Variants in ISOC2 observed in about 807,000 individuals in gnomAD.
The protein encoded by ISOC2 is isochorismatase domain-containing protein 2.
In ISOC2, 15 loss-of-function variants were observed where a neutral mutation model predicts 19.3. The ratio of observed to expected loss-of-function variants is 0.78; its 90% CI spans 0.52 to 1.20. The LOEUF (loss-of-function observed/expected upper bound fraction) is 1.20. Ranked by LOEUF, ISOC2 falls within the 50% of genes most tolerant of loss-of-function variation. The pLI is 0.00. For synonymous variants in ISOC2, 106 were observed against 115.8 expected (o/e 0.92, Z 0.54); for missense variants, 285 against 272.4 (o/e 1.05, Z -0.33).
At chr19:55,458,067 A>G (rs1599884318) in intron 1 of ISOC2, among the ~76,000 whole-genome samples, 1 of 151,656 alleles carries the variant, frequency 6.6e-6, no homozygotes, top group African/African-American at 2.4e-5. Context: ...ATTAAAAAAA[A>G]AAAAGAAAAG....
intron 5 of ISOC2, chr19:55,454,343 C>G (rs1401868208): frequency 6.5e-6 from 1 of 153,240 alleles, no homozygotes; most frequent in Non-Finnish European, 1.5e-5. Context: ...CAGGGCTCAC[C>G]ACAGTGGCTG....
At chr19:55,459,481 TCTC>T (rs1197572782) in intron 1 of ISOC2, among the ~76,000 whole-genome samples, 2 of 152,092 alleles carry the variant, frequency 1.3e-5, no homozygotes, top group African/African-American at 2.4e-5. Context: ...GCTGCAGTGT[TCTC>T]CTAGAGAAAC....
chr19:55,454,543 C>G (rs1356564343), intron 5 of ISOC2: 2 of 163,240 alleles, frequency 1.2e-5, no homozygotes, highest in African/African-American at 4.8e-5. Flanking sequence ...GTCTGAGAAA[C>G]TGGAGGAGGG....
Position 55,453,400 on chromosome 19 carries a change from G to A in ISOC2, c.538-12C>T. On this transcript the variant is annotated splice_polypyrimidine_tract_variant and intron_variant, in intron 5 of 5. Coordinates refer to ENST00000425675, the MANE Select transcript of ISOC2 (RefSeq NM_001136201.2). ...ATGAGTTTCTGGATCTGTAAGGGCA[G>A]GGGGCGATGGGTCAGGAAGCGTCTA... 2 of 1,585,676 alleles carry A rather than the reference G, an allele frequency of 1.3e-6. No individual in the cohort carries two copies. Among genetic ancestry groups the A allele is most frequent in the Non-Finnish European group, 8.6e-7 (1 of 1,165,938 alleles).
At chr19:55,458,663 G>C (rs1248020098) in intron 1 of ISOC2, among the ~76,000 whole-genome samples, 1 of 151,776 alleles carries the variant, frequency 6.6e-6, no homozygotes, top group Non-Finnish European at 1.5e-5. Flanking sequence ...AAGTAGCTGG[G>C]ATTACAGGCT....
intron 4 of ISOC2, 47 bp downstream of exon 4, chr19:55,455,213 C>A (rs764140150): frequency 7.0e-6 from 11 of 1,569,546 alleles, no homozygotes; most frequent in Non-Finnish European, 9.6e-6. Context: ...TTCCTGGGAG[C>A]CCCTGATGGC....
rs1985909683 is a variant in ISOC2, at chr19:55,453,029, C to T, written c.*279G>A. ...ATTCTGCGAGTCCGTGTCCCACAGTCTGAGACTCTTCTTCCCCTCCCCTTC... is the reference window on the plus strand; with the variant it reads ...ATTCTGCGAGTCCGTGTCCCACAGTTTGAGACTCTTCTTCCCCTCCCCTTC... On this transcript the variant is annotated 3_prime_UTR_variant, in exon 6 of 6. Coordinates refer to ENST00000425675, the MANE Select transcript of ISOC2 (RefSeq NM_001136201.2). 9.9e-6 allele frequency: 4 copies of T among 403,340 alleles called. No individual in the cohort carries two copies. Among genetic ancestry groups the T allele is most frequent in the East Asian group, 9.3e-5 (2 of 21,496 alleles). The allele number at this position is 403,340 out of a possible 1,614,324, so 25.0% of individuals were successfully genotyped here.
chr19:55,455,066 T>C lies in ISOC2; in HGVS notation c.460A>G (p.Ser154Gly). ...TCGCTGGTGGAGAGGAAGGCACCAC[T>C]CTGTCTCATGCGGGCCAGAGCCACC... ...RLVALARMRQ[S>G]GAFLSTSEGL... Residue 154 changes from serine to glycine, a missense_variant, in exon 5 of 6, where the codon AGT becomes GGT. By Grantham distance (56) the Ser-to-Gly change is moderately conservative (BLOSUM62 0). Transcript: ENST00000425675. The C allele has an allele frequency of 1.2e-6, 2 of 1,612,672 alleles. No homozygotes were observed. The highest frequency in any genetic ancestry group is 1.7e-6 in the Non-Finnish European group (2 of 1,179,754).
At chr19:55,455,229 C>T (rs573347176) in intron 4 of ISOC2, 31 bp downstream of exon 4, 13 of 1,587,692 alleles carry the variant, frequency 8.2e-6, no homozygotes, top group East Asian at 2.3e-5. Context: ...ATGGCCCCCA[C>T]GTGCACCCAC....
In ISOC2 at chr19:55,456,357, T is replaced by C. The variant is rs545891969; in HGVS notation, c.130A>G (p.Met44Val). The C allele has an allele frequency of 6.2e-7, 1 of 1,613,734 alleles. No individual in the cohort carries two copies. Among genetic ancestry groups the C allele is most frequent in the Non-Finnish European group, 8.5e-7 (1 of 1,179,782 alleles). The change falls in exon 2 of 6, where the codon ATG becomes GTG. Residue 44 changes from methionine to valine, a missense_variant. Met to Val is a conservative substitution (Grantham distance 21). Coordinates refer to ENST00000425675, the MANE Select transcript of ISOC2 (RefSeq NM_001136201.2). ...FPQIVSVAAR[M>V]LKVARLLEVP... ...GGGGGCTGAGGTCATACCTTGAGCA[T>C]GCGGGCAGCCACTGAGACGATCTGT...
At position 55,455,646 on chromosome 19, in the gene ISOC2, G is replaced by A. The variant is rs202152016; in HGVS notation, c.338C>T (p.Ala113Val). ...SVLLCGIEAQ[A>V]CILNTTLDLL... ...CAGTCAGCATCTCACCAAGATGCAG[G>A]CCTGTGCCTCAATGCCACAGAGCAG... The change falls in exon 3 of 6, where the codon GCC (alanine) becomes GTC (valine). Residue 113 changes from alanine (A) to valine (V), a missense_variant. Transcript: ENST00000425675. The A allele has an allele frequency of 2.6e-5, 42 of 1,595,284 alleles. No homozygotes were observed. The highest frequency in any genetic ancestry group is 3.3e-4 in the Middle Eastern group (2 of 5,976).
chr19:55,461,642 T>C lies in ISOC2; in HGVS notation c.-134A>G, dbSNP rs1986244684. 1 of 152,204 alleles carries C rather than the reference T, an allele frequency of 6.6e-6. No individual in the cohort carries two copies. The highest frequency in any genetic ancestry group is 2.4e-5 in the African/African-American group (1 of 41,398). The allele number at this position is 152,204 out of a possible 1,614,324, so 9.4% of individuals were successfully genotyped here. A position where few individuals can be genotyped will look rare whatever the true frequency, so the allele number is the denominator to read the frequency against. On this transcript the variant is annotated 5_prime_UTR_variant, in exon 1 of 6. Transcript: ENST00000425675. ...TTCCCAGGGCTGGTTACCGTTTCGT[T>C]AGGGCTGGACACGTGGCCCACCCCC...
rs759911244 is a variant in ISOC2, at chr19:55,455,415, G to A, written c.349-85C>T. 9.0e-6 allele frequency: 14 copies of A among 1,554,252 alleles called. No homozygotes were observed. The South Asian group carries it at 1.3e-4, about 15-fold the overall frequency. On this transcript the variant is annotated intron_variant, in intron 3 of 5. Transcript: ENST00000425675. ...ATTGGGGATGGTGAGTCAGAATTAG[G>A]GGCCCAGAATGGGGAGGAGGGAGGC...
chr19:55,460,022 C>G (rs1375072951), intron 1 of ISOC2: 2 of 152,224 alleles, frequency 1.3e-5, no homozygotes, highest in Non-Finnish European at 2.9e-5. Context: ...GATGGATACA[C>G]AAACCCTCTG....
intron 5 of ISOC2, 53 bp downstream of exon 5, chr19:55,454,936 G>T: frequency 2.2e-6 from 3 of 1,353,596 alleles, no homozygotes; most frequent in Non-Finnish European, 3.2e-6. Context: ...AGAGCCCAAA[G>T]ACAAGACCTT....
chr19:55,457,865 A>T (rs8103152), intron 1 of ISOC2, among the ~76,000 whole-genome samples: 1 of 149,550 alleles, frequency 6.7e-6, no homozygotes, highest in Non-Finnish European at 1.5e-5. Flanking sequence ...AAAGCAGATG[A>T]TTGGCTGCCA....
chr19:55,455,224 C>T (rs1175200162), intron 4 of ISOC2, 36 bp downstream of exon 4: 6 of 1,580,060 alleles, frequency 3.8e-6, no homozygotes, highest in East Asian at 4.5e-5. Context: ...CCCTGATGGC[C>T]CCCACGTGCA....
chr19:55,459,066 G>C (rs1986156061), intron 1 of ISOC2, among the ~76,000 whole-genome samples: 1 of 151,848 alleles, frequency 6.6e-6, no homozygotes, highest in Non-Finnish European at 1.5e-5. Context: ...CAAGTAGCTA[G>C]AGCTACAGGT....
chr19:55,458,854 G>A (rs1419757434), intron 1 of ISOC2, among the ~76,000 whole-genome samples: 1 of 151,550 alleles, frequency 6.6e-6, no homozygotes, highest in Non-Finnish European at 1.5e-5. Flanking sequence ...AAGCTGGGTA[G>A]TTAGGACACT....
Sources: allele counts gnomAD v4.1 joint callset (sites outside exome capture counted in the v4.1 genomes callset), GRCh38; gene constraint gnomAD v4.1.1; transcripts MANE v1.5; gene names NCBI Gene and HGNC (gene_info 2026-07-23, HGNC 2026-07-21).